The following SNAP23 variants were observed in gnomAD, a reference collection of about 807,000 sequenced individuals.
SNAP23 encodes the protein synaptosome associated protein 23, also known as synaptosomal-associated protein 23.
SNAP23 carries 11 observed loss-of-function variants against 29.0 expected under a neutral mutation model. The ratio of observed to expected loss-of-function variants is 0.38; its 90% confidence interval spans 0.24 to 0.63. SNAP23 has a LOEUF of 0.63. Among genes scored for constraint, SNAP23 ranks in the 20% least tolerant of loss-of-function variants. The probability of loss-of-function intolerance (pLI) is 0.58; values close to 1 mark genes in which losing one functional copy is unlikely to be tolerated. For synonymous variants in SNAP23, 60 were observed against 82.9 expected (o/e 0.72, Z 1.50); for missense variants, 220 against 253.9 (o/e 0.87, Z 0.91).
At chr15:42,528,142 G>A (rs2057521556) in intron 5 of SNAP23, 120 bp from the exon 6 acceptor site, 2 of 624,854 alleles carry the variant, frequency 3.2e-6, no homozygotes, top group South Asian at 2.7e-5. Context: ...TCTAGACTTA[G>A]CTGTATGCAG....
intron 5 of SNAP23, among the ~76,000 whole-genome samples, chr15:42,516,943 GGA>G (rs746689548): frequency 4.6e-5 from 7 of 152,066 alleles, no homozygotes; most frequent in Non-Finnish European, 1.0e-4. Context: ...TTTTTGAGAC[GGA>G]GTCTCGCTCT....
intron 4 of SNAP23, among the ~76,000 whole-genome samples, 173 bp from the exon 5 acceptor site, chr15:42,515,064 G>T (rs997591819): frequency 6.6e-6 from 1 of 152,198 alleles, no homozygotes; most frequent in East Asian, 1.9e-4. Flanking sequence ...GGATCAGTAC[G>T]TGAAAGATTG....
At chr15:42,502,185 G>A (rs1365400491) in intron 1 of SNAP23, among the ~76,000 whole-genome samples, 9 of 148,900 alleles carry the variant, frequency 6.0e-5, no homozygotes, top group South Asian at 2.1e-4. Context: ...CCACTACCAC[G>A]CCCGGCTAAT....
intron 5 of SNAP23, among the ~76,000 whole-genome samples, chr15:42,519,753 T>C (rs920959574): frequency 4.1e-4 from 63 of 152,144 alleles, no homozygotes; most frequent in African/African-American, 1.5e-3. Flanking sequence ...TCCTCCCACA[T>C]TGGCCTCCCA....
intron 1 of SNAP23, among the ~76,000 whole-genome samples, chr15:42,511,206 C>T (rs933747162): frequency 6.6e-6 from 1 of 152,142 alleles, no homozygotes; most frequent in East Asian, 1.9e-4. Context: ...TGTTTGGTTT[C>T]TTAGGGACTC....
intron 5 of SNAP23, among the ~76,000 whole-genome samples, chr15:42,522,263 C>G (rs73404744): frequency 0.047 from 7,222 of 152,264 alleles, 568 homozygotes; most frequent in African/African-American, 0.16. Flanking sequence ...GCTACCATAT[C>G]TGGTATCTTC....
intron 3 of SNAP23, 186 bp from the exon 4 acceptor site, chr15:42,513,213 T>C: frequency 4.0e-6 from 3 of 748,882 alleles, no homozygotes; most frequent in Non-Finnish European, 7.2e-6. Context: ...ACTATGAGTT[T>C]GTGACTTAAT....
At chr15:42,505,368 T>A (rs776852951) in intron 1 of SNAP23, 1 of 152,192 alleles carries the variant, frequency 6.6e-6, no homozygotes, top group Admixed American at 6.6e-5. Flanking sequence ...CCTGGCCTGA[T>A]GGTGATTTAA....
At chr15:42,511,798 T>A (rs781299181) in intron 1 of SNAP23, 35 bp from the exon 2 acceptor site, 2 of 1,302,252 alleles carry the variant, frequency 1.5e-6, no homozygotes, top group East Asian at 4.8e-5. Flanking sequence ...CTTATTCTTA[T>A]ACAATATCCA....
intron 5 of SNAP23, among the ~76,000 whole-genome samples, chr15:42,515,718 G>A (rs2057391992): frequency 6.6e-6 from 1 of 152,014 alleles, no homozygotes; most frequent in Non-Finnish European, 1.5e-5. Context: ...CATGAGGGAT[G>A]GCCAAAAGAG....
intron 5 of SNAP23, 139 bp downstream of exon 5, chr15:42,515,493 A>T (rs562782640): frequency 1.7e-6 from 1 of 599,190 alleles, no homozygotes; most frequent in Admixed American, 2.9e-5. Flanking sequence ...CTTCAGGCAG[A>T]TTAAGCTTTT....
intron 1 of SNAP23, among the ~76,000 whole-genome samples, chr15:42,507,771 T>G (rs2141516585): frequency 6.6e-6 from 1 of 152,308 alleles, no homozygotes; most frequent in East Asian, 1.9e-4. Flanking sequence ...TTGAGGAGTA[T>G]TATTCCTTGT....
At chr15:42,498,111 T>A (rs1465090160) in intron 1 of SNAP23, among the ~76,000 whole-genome samples, 2 of 152,184 alleles carry the variant, frequency 1.3e-5, no homozygotes, top group East Asian at 3.8e-4. Flanking sequence ...GCCTGAGGCT[T>A]TTCCAGGTTC....
At chr15:42,504,166 CAA>C (rs898253406) in intron 1 of SNAP23, among the ~76,000 whole-genome samples, 1 of 137,856 alleles carries the variant, frequency 7.3e-6, no homozygotes, top group Non-Finnish European at 1.6e-5. Context: ...CCTGCCTCTA[CAA>C]AAAAAAAAAT....
At chr15:42,506,048 C>T (rs999379891) in intron 1 of SNAP23, among the ~76,000 whole-genome samples, 5 of 150,544 alleles carry the variant, frequency 3.3e-5, no homozygotes, top group Admixed American at 1.3e-4. Flanking sequence ...CGGGTTCAAA[C>T]GATTCTCCTG....
intron 5 of SNAP23, chr15:42,521,874 C>T: frequency 2.7e-6 from 1 of 370,990 alleles, no homozygotes; most frequent in Non-Finnish European, 4.5e-6. Context: ...TAATACCATC[C>T]TTTGACAAAT....
chr15:42,522,447 CTT>C (rs1484747102), intron 5 of SNAP23, among the ~76,000 whole-genome samples: 2 of 151,986 alleles, frequency 1.3e-5, no homozygotes, highest in East Asian at 1.9e-4. Context: ...GTGTCTGACT[CTT>C]AAGTTTAGAT....
chr15:42,515,578 T>A (rs1283460384), intron 5 of SNAP23, among the ~76,000 whole-genome samples: 2 of 152,212 alleles, frequency 1.3e-5, no homozygotes, highest in Non-Finnish European at 2.9e-5. Flanking sequence ...CAATTTCAAT[T>A]TGTAGTAATA....
At chr15:42,524,715 T>A (rs932734275) in intron 5 of SNAP23, among the ~76,000 whole-genome samples, 2 of 152,198 alleles carry the variant, frequency 1.3e-5, no homozygotes, top group African/African-American at 4.8e-5. Flanking sequence ...TCAGTCAAGT[T>A]TGGAAGGTAT....
Sources: gnomAD v4.1 joint callset for allele counts (sites outside exome capture counted in the v4.1 genomes callset) on GRCh38, gnomAD v4.1.1 for gene constraint, MANE v1.5 for transcripts, NCBI Gene and HGNC (gene_info 2026-07-23, HGNC 2026-07-21) for gene names.